Variants in ROR1 observed in about 807,000 individuals in gnomAD.
The protein encoded by ROR1 is inactive tyrosine-protein kinase transmembrane receptor ROR1.
A neutral mutation model predicts 78.8 loss-of-function variants in ROR1; 19 were observed. That is an observed-to-expected ratio of 0.24 (90% CI 0.17 to 0.35). ROR1 has a LOEUF of 0.35. Among genes scored for constraint, ROR1 ranks in the 10% least tolerant of loss-of-function variants. The probability of loss-of-function intolerance (pLI) is 1.00; values close to 1 mark genes in which losing one functional copy is unlikely to be tolerated. For missense variants in ROR1, 917 were observed against 1,177.8 expected, an observed-to-expected ratio of 0.78 and a Z score of 3.24; for synonymous variants, 386 against 433.6, an observed-to-expected ratio of 0.89 and a Z score of 1.36.
chr1:63,853,434 A>T (rs1645128713), intron 1 of ROR1, among the ~76,000 whole-genome samples: 1 of 152,216 alleles, frequency 6.6e-6, no homozygotes, highest in African/African-American at 2.4e-5. Flanking sequence ...AACGTTTTGC[A>T]TGCCAACATG....
chr1:64,049,888 C>G lies in ROR1; in HGVS notation c.361C>G (p.Leu121Val). ...IYGSRLRIRNLDTTDTGYFQC... is the reference protein window; with the variant it reads ...IYGSRLRIRNVDTTDTGYFQC... Reference sequence around the variant, plus strand: ...TGGCTCTCGGCTGCGGATTAGAAACCTCGACACCACAGACACAGGCTACTT... The same window carrying G: ...TGGCTCTCGGCTGCGGATTAGAAACGTCGACACCACAGACACAGGCTACTT... The change falls in exon 3 of 9, where the codon CTC becomes GTC. Residue 121 changes from leucine to valine, a missense_variant. This residue lies in a region of ROR1 where 835 missense variants were observed against 1,069.8 expected (regional missense o/e 0.78). Coordinates refer to ENST00000371079, the MANE Select transcript of ROR1 (RefSeq NM_005012.4). 6.2e-7 allele frequency: 1 copy of G among 1,614,212 alleles called. No individual in the cohort carries two copies. Among genetic ancestry groups the G allele is most frequent in the Non-Finnish European group, 8.5e-7 (1 of 1,180,036 alleles).
At chr1:63,779,523 G>C (rs140474027) in intron 1 of ROR1, among the ~76,000 whole-genome samples, 5 of 152,136 alleles carry the variant, frequency 3.3e-5, no homozygotes, top group South Asian at 2.1e-4. Context: ...GGAGTTGAAG[G>C]GGGAGGGGAT....
chr1:64,004,244 A>G (rs1646410271), intron 1 of ROR1, among the ~76,000 whole-genome samples: 1 of 152,190 alleles, frequency 6.6e-6, no homozygotes, highest in South Asian at 2.1e-4. Flanking sequence ...GTTTTAAACA[A>G]TTGTTTAAAA....
intron 4 of ROR1, among the ~76,000 whole-genome samples, chr1:64,113,009 A>G (rs1648172247): frequency 6.6e-6 from 1 of 152,204 alleles, no homozygotes; most frequent in Non-Finnish European, 1.5e-5. Context: ...GAAAGAATGC[A>G]TAATTTAATG....
intron 7 of ROR1, among the ~76,000 whole-genome samples, chr1:64,154,413 G>A (rs1482328603): frequency 6.6e-6 from 1 of 152,102 alleles, no homozygotes; most frequent in Non-Finnish European, 1.5e-5. Context: ...ATTTAAACTT[G>A]TTTAATTTCC....
chr1:64,143,590 G>A (rs933175195), intron 7 of ROR1, among the ~76,000 whole-genome samples: 5 of 152,106 alleles, frequency 3.3e-5, no homozygotes, highest in African/African-American at 4.8e-5. Context: ...AAGTGAGCTC[G>A]GTGTTTAACC....
intron 4 of ROR1, among the ~76,000 whole-genome samples, chr1:64,062,595 GC>G (rs1646926059): frequency 1.3e-5 from 2 of 152,130 alleles, no homozygotes; most frequent in African/African-American, 4.8e-5. Context: ...ACAGGCATGA[GC>G]CACTGTGCCC....
chr1:63,821,739 A>G (rs1197700857), intron 1 of ROR1, among the ~76,000 whole-genome samples: 2 of 152,232 alleles, frequency 1.3e-5, no homozygotes, highest in Admixed American at 1.3e-4. Flanking sequence ...TCTCTGTGGC[A>G]TGATACTGAA....
At position 64,140,243 on chromosome 1, in the gene ROR1, C is replaced by T. The variant is rs761386607; in HGVS notation, c.745C>T (p.Arg249Cys). Residue 249 changes from arginine (R) to cysteine (C), a missense_variant, in exon 6 of 9, where the codon CGC becomes TGC. By Grantham distance (180) the Arg-to-Cys change is radical. Coordinates refer to ENST00000371079, the MANE Select transcript of ROR1 (RefSeq NM_005012.4). ...CGTCCCAAAGCCCCGTGACTTGTGT[C>T]GCGATGAATGTGAAATCCTGGAGAA... ...SSVPKPRDLCRDECEILENVL... is the reference protein window; with the variant it reads ...SSVPKPRDLCCDECEILENVL... 4 of 1,614,066 alleles carry T rather than the reference C, an allele frequency of 2.5e-6. No individual in the cohort carries two copies. The highest frequency in any genetic ancestry group is 1.3e-5 in the African/African-American group (1 of 75,012).
chr1:64,154,644 T>A (rs1569861859), intron 7 of ROR1, among the ~76,000 whole-genome samples: 1 of 152,206 alleles, frequency 6.6e-6, no homozygotes, highest in East Asian at 1.9e-4. Context: ...TGAATATCAT[T>A]GTAAAAATAA....
chr1:64,013,546 T>C (rs906129079), intron 2 of ROR1, among the ~76,000 whole-genome samples: 4 of 152,192 alleles, frequency 2.6e-5, no homozygotes, highest in Non-Finnish European at 1.5e-5. Flanking sequence ...GGCTAACCCC[T>C]CTTTTACTTA....
At chr1:63,968,504 GAA>G (rs1229896601) in intron 1 of ROR1, among the ~76,000 whole-genome samples, 1 of 151,686 alleles carries the variant, frequency 6.6e-6, no homozygotes, top group Non-Finnish European at 1.5e-5. Context: ...TTTCGTATGA[GAA>G]AAATTATATT....
intron 4 of ROR1, among the ~76,000 whole-genome samples, chr1:64,093,951 A>C (rs976903860): frequency 6.6e-6 from 1 of 152,200 alleles, no homozygotes; most frequent in Non-Finnish European, 1.5e-5. Context: ...TTTTACAGAA[A>C]GGTTAAATCA....
intron 1 of ROR1, among the ~76,000 whole-genome samples, chr1:63,882,596 C>T (rs986570453): frequency 6.6e-6 from 1 of 152,152 alleles, no homozygotes; most frequent in Non-Finnish European, 1.5e-5. Flanking sequence ...TGTACTCTGG[C>T]TGAAACAACC....
At chr1:63,827,180 A>T (rs894323563) in intron 1 of ROR1, among the ~76,000 whole-genome samples, 1 of 151,814 alleles carries the variant, frequency 6.6e-6, no homozygotes. Context: ...TAGATGCTGG[A>T]TATTAGACCT....
intron 1 of ROR1, among the ~76,000 whole-genome samples, chr1:63,840,246 A>G (rs541071550): frequency 6.6e-6 from 1 of 150,824 alleles, no homozygotes; most frequent in African/African-American, 2.4e-5. Context: ...ATAGGACCTG[A>G]GCTAACCTAG....
chr1:64,109,607 G>A (rs765330633), intron 4 of ROR1, among the ~76,000 whole-genome samples: 4 of 151,990 alleles, frequency 2.6e-5, no homozygotes, highest in Non-Finnish European at 4.4e-5. Context: ...GGCTCACTGC[G>A]ACCTCAACCT....
intron 8 of ROR1, among the ~76,000 whole-genome samples, chr1:64,173,503 C>G (rs77437988): frequency 0.03 from 4,613 of 152,278 alleles, 258 homozygotes; most frequent in African/African-American, 0.11. Flanking sequence ...CGGCTTCAAT[C>G]TGGGATTGCT....
intron 4 of ROR1, among the ~76,000 whole-genome samples, chr1:64,064,193 C>A (rs1646938821): frequency 6.6e-6 from 1 of 152,130 alleles, no homozygotes; most frequent in Admixed American, 6.5e-5. Context: ...GACAGAAGCC[C>A]CAGCTACACT....
Sources: gnomAD v4.1 joint callset for allele counts (sites outside exome capture counted in the v4.1 genomes callset) on GRCh38, gnomAD v4.1.1 for gene constraint, gnomAD v4.1.1 regional missense constraint, MANE v1.5 for transcripts, NCBI Gene and HGNC (gene_info 2026-07-23, HGNC 2026-07-21) for gene names.